Variants in TBCD observed in about 807,000 individuals in gnomAD.
TBCD encodes tubulin folding cofactor D, also known as tubulin-specific chaperone D.
TBCD carries 105 observed loss-of-function variants against 169.3 expected under a neutral mutation model. The observed-to-expected ratio is 0.62, with a 90% CI of 0.53 to 0.73. TBCD has a LOEUF of 0.73. Ranked by LOEUF, TBCD falls within the 30% of genes least tolerant of loss-of-function variation. The pLI, the probability that TBCD is intolerant of heterozygous loss-of-function variation, is 0.00. For missense variants in TBCD, 1,444 were observed against 1,600.1 expected (o/e 0.90, Z 1.66); for synonymous variants, 700 against 643.9 (o/e 1.09, Z -1.32).
chr17:82,856,790 C>T (rs1319919341), intron 13 of TBCD, among the ~76,000 whole-genome samples: 18 of 142,246 alleles, frequency 1.3e-4, no homozygotes, highest in Non-Finnish European at 2.0e-4. Context: ...GCGTGCGGAC[C>T]CTCGCTGCGC....
Position 82,877,777 on chromosome 17 carries a change from A to G in TBCD, c.1476-6368A>G, listed in dbSNP as rs528554725. 5.3e-4 allele frequency among the ~76,000 whole-genome samples: 80 copies of G among 152,328 alleles called. No homozygotes were observed. In the South Asian group the frequency reaches 0.015, roughly 29 times the overall value. On this transcript the variant is annotated intron_variant, in intron 14 of 38. Coordinates refer to ENST00000355528, the MANE Select transcript of TBCD (RefSeq NM_005993.5). The stretch of plus-strand genomic sequence containing the variant: ...ATCTTAAAACGTTCGTGCTAATGTA[A>G]CGTGAGTTCCCTTTAATTTTAAACC...
intron 34 of TBCD, among the ~76,000 whole-genome samples, chr17:82,935,229 G>C (rs1173974477): frequency 6.6e-6 from 1 of 152,070 alleles, no homozygotes; most frequent in East Asian, 1.9e-4. Context: ...CCCATTTCTA[G>C]GATGCTTTTT....
rs546202522 is a variant in TBCD at position 82,757,633 on chromosome 17, A to C, written c.235+1418A>C. On this transcript the variant is annotated intron_variant, in intron 2 of 38. Transcript: ENST00000355528. Reference sequence around the variant, plus strand: ...TGAGACTTCATCTCAAAAAAAAAAAAAAACCAAAAAAAACCCTCTAAATTC... The same window carrying C: ...TGAGACTTCATCTCAAAAAAAAAAACAAACCAAAAAAAACCCTCTAAATTC... Among the ~76,000 whole-genome samples the C allele has an allele frequency of 6.5e-4, 98 of 151,532 alleles. 2 individuals carry two copies. In the Middle Eastern group the frequency reaches 0.01, roughly 16 times the overall value.
At chr17:82,769,894 AAT>A (rs1031714131) in intron 5 of TBCD, among the ~76,000 whole-genome samples, 9 of 150,294 alleles carry the variant, frequency 6.0e-5, no homozygotes, top group African/African-American at 2.2e-4. Context: ...AAAAAAAAAA[AAT>A]TTAACCTATA....
At chr17:82,917,014 C>CTTT in intron 23 of TBCD, among the ~76,000 whole-genome samples, 1 of 40,966 alleles carries the variant, frequency 2.4e-5, no homozygotes, top group South Asian at 6.9e-4. Flanking sequence ...TTTTTTTTTT[C>CTTT]TTTTCTTTTC....
chr17:82,771,199 G>A (rs895817852), intron 5 of TBCD, among the ~76,000 whole-genome samples: 1 of 151,850 alleles, frequency 6.6e-6, no homozygotes, highest in African/African-American at 2.4e-5. Context: ...CTAGCTGGGC[G>A]TGGAGGTTTC....
chr17:82,762,762 A>AGT (rs1365544651), intron 2 of TBCD, among the ~76,000 whole-genome samples: 2 of 151,918 alleles, frequency 1.3e-5, no homozygotes, highest in African/African-American at 2.4e-5. Flanking sequence ...AAAAAAAAAA[A>AGT]GTGTGTGACT....
intron 4 of TBCD, among the ~76,000 whole-genome samples, chr17:82,767,416 A>G (rs1487077909): frequency 6.6e-6 from 1 of 151,974 alleles, no homozygotes; most frequent in Non-Finnish European, 1.5e-5. Flanking sequence ...CTCCTTTTTT[A>G]TTAGAAGTTG....
chr17:82,776,663 A>G (rs1431453102), intron 6 of TBCD, among the ~76,000 whole-genome samples: 1 of 152,132 alleles, frequency 6.6e-6, no homozygotes, highest in Non-Finnish European at 1.5e-5. Context: ...TCTTGTGAGC[A>G]GTCACGGACG....
At chr17:82,824,242 T>TG (rs1425862445) in intron 13 of TBCD, among the ~76,000 whole-genome samples, 1 of 150,904 alleles carries the variant, frequency 6.6e-6, no homozygotes, top group Non-Finnish European at 1.5e-5. Flanking sequence ...AGTGCAGTGG[T>TG]GCGATCTCGG....
chr17:82,781,357 T>G (rs2048938329), intron 6 of TBCD, among the ~76,000 whole-genome samples: 1 of 150,134 alleles, frequency 6.7e-6, no homozygotes. Flanking sequence ...TGAGAGGTTG[T>G]GGTGGGGAAC....
intron 17 of TBCD, among the ~76,000 whole-genome samples, chr17:82,897,292 G>C (rs1284768424): frequency 1.3e-5 from 2 of 152,054 alleles, no homozygotes; most frequent in Non-Finnish European, 2.9e-5. Context: ...GACCCAGGCA[G>C]GCAGATCACG....
chr17:82,870,529 G>C, intron 14 of TBCD, 149 bp downstream of exon 14: 1 of 1,125,582 alleles, frequency 8.9e-7, no homozygotes, highest in Admixed American at 2.8e-5. Context: ...ACCGCTTGGA[G>C]GTCAAGCTCC....
At chr17:82,830,991 G>T in intron 13 of TBCD, 1 of 1,613,768 alleles carries the variant, frequency 6.2e-7, no homozygotes, top group South Asian at 1.1e-5. Context: ...ACATTCCCTT[G>T]GAGGTTTTGA....
chr17:82,913,699 A>T (rs1448221627), intron 23 of TBCD: 1 of 152,360 alleles, frequency 6.6e-6, no homozygotes, highest in Non-Finnish European at 1.5e-5. Context: ...GCTGCTCTGT[A>T]ATCTGCTCTT....
rs59839519 is a variant in TBCD at position 82,753,447 on chromosome 17, C to CTTTTTTTTTT, written c.184+1083_184+1092dup. 3.5e-4 allele frequency among the ~76,000 whole-genome samples: 36 copies of CTTTTTTTTTT among 104,284 alleles called. 1 individual carries two copies. The highest frequency in any genetic ancestry group is 9.7e-4 in the Admixed American group (9 of 9,246). 68.4% of individuals were successfully genotyped at this position (104,284 alleles called of 152,430 possible). A position where few individuals can be genotyped will look rare whatever the true frequency, so the allele number is the denominator to read the frequency against. On this transcript the variant is annotated intron_variant, in intron 1 of 38. Coordinates refer to ENST00000355528, the MANE Select transcript of TBCD (RefSeq NM_005993.5). ...GGTGTAACAGCCCAATGGCTTCTTC[C>CTTTTTTTTTT]TTTTTTTTTTTTTTTTTTTTTTGAT...
rs563623020 is a variant in TBCD, at chr17:82,873,128, G to A, written c.1475+2748G>A. Among the ~76,000 whole-genome samples, 12 of 152,356 alleles carry A rather than the reference G, an allele frequency of 7.9e-5. No homozygotes were observed. In the South Asian group the frequency reaches 2.3e-3, roughly 29 times the overall value. On this transcript the variant is annotated intron_variant, in intron 14 of 38. Coordinates refer to ENST00000355528, the MANE Select transcript of TBCD (RefSeq NM_005993.5). ...GGAAAGACCCTGAATGCAGACGTGTGACGGCTGCAGCTGCATCTGGCCCCT... is the reference window on the plus strand; with the variant it reads ...GGAAAGACCCTGAATGCAGACGTGTAACGGCTGCAGCTGCATCTGGCCCCT...
chr17:82,868,806 C>G (rs542786224), intron 13 of TBCD, among the ~76,000 whole-genome samples: 83 of 152,262 alleles, frequency 5.5e-4, no homozygotes, highest in African/African-American at 2.0e-3. Context: ...TAACCGGCCT[C>G]TCATGTATCC....
intron 13 of TBCD, among the ~76,000 whole-genome samples, chr17:82,828,278 A>T (rs1327326095): frequency 1.6e-4 from 20 of 125,874 alleles, no homozygotes; most frequent in African/African-American, 2.2e-4. Context: ...TTGAATGCAC[A>T]CACACCCCCC....
Sources: gnomAD v4.1 joint callset for allele counts (sites outside exome capture counted in the v4.1 genomes callset) on GRCh38, gnomAD v4.1.1 for gene constraint, MANE v1.5 for transcripts, NCBI Gene and HGNC (gene_info 2026-07-23, HGNC 2026-07-21) for gene names.